Variants in SYNCRIP observed in about 807,000 individuals in gnomAD.
SYNCRIP encodes the protein heterogeneous nuclear ribonucleoprotein Q.
A neutral mutation model predicts 68.9 loss-of-function variants in SYNCRIP; 9 were observed. That is an observed-to-expected ratio of 0.13 (90% confidence interval 0.08 to 0.23). The LOEUF (loss-of-function observed/expected upper bound fraction) is 0.23, where lower values mean the gene tolerates loss of function less well. Ranked by LOEUF, SYNCRIP falls within the 10% of genes least tolerant of loss-of-function variation. The pLI is 1.00. For missense variants in SYNCRIP, 414 were observed against 770.6 expected (o/e 0.54, Z 5.48); for synonymous variants, 258 against 254.0 (o/e 1.02, Z -0.15).
chr6:85,614,233 T>C lies in SYNCRIP; in HGVS notation c.*523A>G. 1 of 985,766 alleles carries C rather than the reference T, an allele frequency of 1.0e-6. No individual in the cohort carries two copies. Among genetic ancestry groups the C allele is most frequent in the Non-Finnish European group, 1.2e-6 (1 of 829,806 alleles). 61.1% of individuals were successfully genotyped at this position (985,766 alleles called of 1,614,324 possible). ...TAAGTATACATTTAGGTGTGAATTT[T>C]TTATTGAAATAAACAACAGCATAAA... On this transcript the variant is annotated 3_prime_UTR_variant, in exon 11 of 11. Transcript: ENST00000369622.
intron 2 of SYNCRIP, 48 bp downstream of exon 2, chr6:85,641,244 T>A (rs1210406157): frequency 6.5e-7 from 1 of 1,539,192 alleles, no homozygotes; most frequent in African/African-American, 1.4e-5. Context: ...AAGCCAGAAA[T>A]CCAATAGAAA....
At chr6:85,635,327 G>T (rs1051184302) in intron 6 of SYNCRIP, among the ~76,000 whole-genome samples, 1 of 152,096 alleles carries the variant, frequency 6.6e-6, no homozygotes, top group Non-Finnish European at 1.5e-5. Flanking sequence ...CTTTTATGAA[G>T]AGAAAAATCA....
chr6:85,623,026 CTTA>C (rs1268775241), intron 7 of SYNCRIP, among the ~76,000 whole-genome samples: 2 of 152,028 alleles, frequency 1.3e-5, no homozygotes, highest in African/African-American at 2.4e-5. Flanking sequence ...GGCTATTTTT[CTTA>C]TTATGCAAAC....
At position 85,614,582 on chromosome 6, in the gene SYNCRIP, G is replaced by C. The variant is rs1234509334; in HGVS notation, c.*174C>G. The stretch of plus-strand genomic sequence containing the variant: ...TTGAAAAAAATTAAAAATAAAATCA[G>C]TTCGCCAGAAGCAGTTAGAAGTGTG... On this transcript the variant is annotated 3_prime_UTR_variant, in exon 11 of 11. Coordinates refer to ENST00000369622, the MANE Select transcript of SYNCRIP (RefSeq NM_006372.5). 1 of 1,286,140 alleles carries C rather than the reference G, an allele frequency of 7.8e-7. No individual in the cohort carries two copies. The highest frequency in any genetic ancestry group is 9.8e-7 in the Non-Finnish European group (1 of 1,018,752). The allele number at this position is 1,286,140 out of a possible 1,614,324, so 79.7% of individuals were successfully genotyped here.
chr6:85,609,796 A>G (rs1473864096), downstream of SYNCRIP: 4 of 151,938 alleles, frequency 2.6e-5, no homozygotes. Context: ...GAATGCTTTA[A>G]GAATACATTT....
At chr6:85,640,093 G>A (rs1412542581) in intron 4 of SYNCRIP, 128 bp downstream of exon 4, 63 of 676,616 alleles carry the variant, frequency 9.3e-5, no homozygotes, top group Non-Finnish European at 1.5e-4. Context: ...TTAAAAAAAG[G>A]AATTAGGAAA....
intron 7 of SYNCRIP, among the ~76,000 whole-genome samples, chr6:85,623,579 A>AAAAAACAAAAAAAAAAAC (rs1554184894): frequency 8.7e-5 from 11 of 125,756 alleles, no homozygotes; most frequent in Non-Finnish European, 1.4e-4. Context: ...AAAAAAAAAA[A>AAAAAACAAAAAAAAAAAC]AAAACACTCT....
intron 6 of SYNCRIP, among the ~76,000 whole-genome samples, chr6:85,624,777 A>G (rs777377959): frequency 4.6e-5 from 7 of 152,250 alleles, no homozygotes; most frequent in Non-Finnish European, 8.8e-5. Context: ...GCAACATGTC[A>G]AAGTGACAAA....
chr6:85,620,263 A>T (rs1245041463), intron 8 of SYNCRIP, among the ~76,000 whole-genome samples: 1 of 152,240 alleles, frequency 6.6e-6, no homozygotes, highest in Non-Finnish European at 1.5e-5. Flanking sequence ...AAACAAAAAA[A>T]TTTCCAAAAA....
chr6:85,620,036 C>A (rs1485961657), intron 8 of SYNCRIP, among the ~76,000 whole-genome samples: 3 of 152,152 alleles, frequency 2.0e-5, no homozygotes, highest in Non-Finnish European at 4.4e-5. Flanking sequence ...CACCTGAGGT[C>A]AGGAGCTCGA....
chr6:85,624,004 T>C lies in SYNCRIP; in HGVS notation c.775A>G (p.Ile259Val). The change falls in exon 7 of 11, where the codon ATT becomes GTT. Residue 259 changes from isoleucine (I) to valine (V), a missense_variant. Physicochemically the swap from Ile to Val is conservative, Grantham distance 29. Transcript: ENST00000369622. ...GTTACTTTGCTAAATTCTTCAAGAA[T>C]CTGTTCCTTGGTTTTACTCTTAGGA... ...SIPKSKTKEQ[I>V]LEEFSKVTEG... 1.2e-6 allele frequency: 2 copies of C among 1,613,934 alleles called. No homozygotes were observed. Among genetic ancestry groups the C allele is most frequent in the Non-Finnish European group, 1.7e-6 (2 of 1,179,954 alleles).
At chr6:85,623,575 A>AC (rs1806686020) in intron 7 of SYNCRIP, among the ~76,000 whole-genome samples, 1 of 151,090 alleles carries the variant, frequency 6.6e-6, no homozygotes, top group African/African-American at 2.4e-5. Context: ...AAAAAAAAAA[A>AC]AAAAAAAACA....
At chr6:85,612,339 G>A (rs1805310353), downstream of SYNCRIP, 1 of 152,088 alleles carries the variant, frequency 6.6e-6, no homozygotes, top group Non-Finnish European at 1.5e-5. Context: ...AACCAGCTCT[G>A]ATGATTACAC....
chr6:85,610,889 A>C (rs969410322), downstream of SYNCRIP: 11 of 152,030 alleles, frequency 7.2e-5, no homozygotes, highest in African/African-American at 2.7e-4. Context: ...AGAGAGATGT[A>C]CTTTAAAAAA....
chr6:85,643,680 C>G (rs912676739), upstream of SYNCRIP: 3 of 151,816 alleles, frequency 2.0e-5, no homozygotes, highest in Non-Finnish European at 2.9e-5. Context: ...CATCCCTGCC[C>G]GGTCCGGGGC....
intron 6 of SYNCRIP, among the ~76,000 whole-genome samples, chr6:85,636,736 T>G (rs1004652233): frequency 2.0e-5 from 3 of 152,204 alleles, no homozygotes; most frequent in Non-Finnish European, 2.9e-5. Context: ...CAGATGTTTA[T>G]AAGAACCAAT....
At chr6:85,620,584 G>A (rs1806277789) in intron 8 of SYNCRIP, among the ~76,000 whole-genome samples, 3 of 152,136 alleles carry the variant, frequency 2.0e-5, no homozygotes, top group Admixed American at 1.3e-4. Flanking sequence ...ATGGAAACAC[G>A]GTTATACATT....
At chr6:85,642,294 C>T (rs921214406) in intron 1 of SYNCRIP, among the ~76,000 whole-genome samples, 5 of 152,154 alleles carry the variant, frequency 3.3e-5, no homozygotes, top group Non-Finnish European at 7.4e-5. Flanking sequence ...CGGCCGCCCG[C>T]CCGGCCGAGA....
At chr6:85,637,554 G>C (rs1808601210) in intron 4 of SYNCRIP, among the ~76,000 whole-genome samples, 198 bp from the exon 5 acceptor site, 1 of 152,160 alleles carries the variant, frequency 6.6e-6, no homozygotes, top group African/African-American at 2.4e-5. Flanking sequence ...CAGAAGTCCA[G>C]GGTCCTGTTC....
Sources: gnomAD v4.1 joint callset for allele counts (sites outside exome capture counted in the v4.1 genomes callset) on GRCh38, gnomAD v4.1.1 for gene constraint, MANE v1.5 for transcripts, NCBI Gene and HGNC (gene_info 2026-07-23, HGNC 2026-07-21) for gene names.